CNTN4: variants seen among roughly 807,000 people sequenced by gnomAD.
The protein encoded by CNTN4 is contactin-4.
A neutral mutation model predicts 122.5 loss-of-function variants in CNTN4; 77 were observed. The ratio of observed to expected loss-of-function variants is 0.63; its 90% CI spans 0.52 to 0.76. The LOEUF (loss-of-function observed/expected upper bound fraction) is 0.76. CNTN4 is among the 30% of genes least tolerant of loss of function. The pLI is 0.00. For missense variants in CNTN4, 1,256 were observed against 1,259.1 expected (o/e 1.00, Z 0.04); for synonymous variants, 512 against 447.0 (o/e 1.15, Z -1.83).
chr3:2,277,063 G>A (rs1255295260), intron 2 of CNTN4, among the ~76,000 whole-genome samples: 1 of 151,992 alleles, frequency 6.6e-6, no homozygotes, highest in Non-Finnish European at 1.5e-5. Context: ...GAGAAAAACT[G>A]GTATATTTGG....
chr3:2,945,814 G>T (rs1386470564), intron 13 of CNTN4, among the ~76,000 whole-genome samples: 1 of 152,160 alleles, frequency 6.6e-6, no homozygotes, highest in South Asian at 2.1e-4. Flanking sequence ...CTAGAGGATA[G>T]ATTTGTGTCA....
At chr3:2,364,000 A>G (rs1233460762) in intron 3 of CNTN4, among the ~76,000 whole-genome samples, 3 of 152,166 alleles carry the variant, frequency 2.0e-5, no homozygotes, top group Non-Finnish European at 4.4e-5. Flanking sequence ...AATATTTATA[A>G]CAGACTAGGC....
intron 3 of CNTN4, among the ~76,000 whole-genome samples, chr3:2,545,630 T>A (rs948544575): frequency 3.3e-5 from 5 of 151,802 alleles, no homozygotes; most frequent in Admixed American, 1.3e-4. Context: ...TTTTTTTTTT[T>A]ATCCTTTTCA....
intron 3 of CNTN4, among the ~76,000 whole-genome samples, chr3:2,407,256 A>G (rs1252658266): frequency 6.6e-6 from 1 of 152,186 alleles, no homozygotes; most frequent in African/African-American, 2.4e-5. Context: ...CTTGTAATTT[A>G]TTTAGCTTGA....
chr3:2,905,515 C>T (rs917398384), intron 12 of CNTN4, among the ~76,000 whole-genome samples: 2 of 152,286 alleles, frequency 1.3e-5, no homozygotes, highest in Middle Eastern at 3.4e-3. Context: ...AAGGGCTTCA[C>T]CTCATAGGGG....
chr3:2,867,059 A>G, intron 8 of CNTN4, 110 bp downstream of exon 8: 1 of 967,178 alleles, frequency 1.0e-6, no homozygotes. Context: ...TAAATGTAAG[A>G]AAAGTTTACT....
At chr3:2,428,507 T>G (rs1038570611) in intron 3 of CNTN4, among the ~76,000 whole-genome samples, 5 of 152,200 alleles carry the variant, frequency 3.3e-5, no homozygotes, top group African/African-American at 1.2e-4. Flanking sequence ...CCCTTAACAT[T>G]TTTTCCTTCA....
At chr3:2,941,196 A>T (rs923098750) in intron 13 of CNTN4, among the ~76,000 whole-genome samples, 2 of 151,130 alleles carry the variant, frequency 1.3e-5, no homozygotes, top group Middle Eastern at 3.4e-3. Context: ...ACATCATCAG[A>T]CTCTCCCTTT....
rs536276523 is a variant in CNTN4 at position 2,239,284 on chromosome 3, C to T, written c.-144-99894C>T. On this transcript the variant is annotated intron_variant, in intron 2 of 24. Transcript: ENST00000418658. ...ACAGAGTTTGATTTATGCGGACGAT[C>T]CTTGGACTTAAAAAGGATTACTGAC... 2.6e-5 allele frequency among the ~76,000 whole-genome samples: 4 copies of T among 152,178 alleles called. No homozygotes were observed. In the East Asian group the frequency reaches 7.7e-4, roughly 29 times the overall value.
intron 2 of CNTN4, among the ~76,000 whole-genome samples, chr3:2,236,759 C>G (rs543720525): frequency 2.0e-5 from 3 of 152,144 alleles, no homozygotes; most frequent in Admixed American, 6.5e-5. Flanking sequence ...AGGCTCTGCA[C>G]TAGACATCAG....
At chr3:2,136,308 G>T (rs1330276172) in intron 2 of CNTN4, among the ~76,000 whole-genome samples, 1 of 152,198 alleles carries the variant, frequency 6.6e-6, no homozygotes, top group African/African-American at 2.4e-5. Flanking sequence ...CCAGAATTCT[G>T]TTAGTAAACT....
chr3:2,511,626 C>G (rs60587976), intron 3 of CNTN4: 22,223 of 152,228 alleles, frequency 0.15, 1,873 homozygotes, highest in African/African-American at 0.23. Context: ...CAGGGACTTG[C>G]TGAGAGCTGA....
chr3:2,606,598 A>T (rs1576192451), intron 4 of CNTN4, among the ~76,000 whole-genome samples: 1 of 152,224 alleles, frequency 6.6e-6, no homozygotes, highest in African/African-American at 2.4e-5. Context: ...GACTAATTCC[A>T]TATGCTTTTC....
chr3:2,884,145 C>T (rs1485568346), intron 9 of CNTN4, among the ~76,000 whole-genome samples: 1 of 151,908 alleles, frequency 6.6e-6, no homozygotes, highest in South Asian at 2.1e-4. Flanking sequence ...GCGTATGTTG[C>T]CCAGGCTAGT....
chr3:2,842,123 G>A (rs1427255704), intron 7 of CNTN4, among the ~76,000 whole-genome samples: 1 of 152,140 alleles, frequency 6.6e-6, no homozygotes, highest in Non-Finnish European at 1.5e-5. Context: ...GCAACGGAAA[G>A]CCATGAGCTC....
Position 3,040,056 on chromosome 3 carries a change from A to G in CNTN4, c.2183A>G (p.Gln728Arg), listed in dbSNP as rs760609497. ...TCCCAGACGGTCCCTGAGGAATTAC[A>G]GAATGGTCGAGGCTTTGGTTATGTG... ...ITWETVPEEL[Q>R]NGRGFGYVVA... The change falls in exon 20 of 25, where the codon CAG becomes CGG. Residue 728 changes from glutamine (Q) to arginine (R), a missense_variant. Transcript: ENST00000418658. 3 of 1,612,966 alleles carry G rather than the reference A, an allele frequency of 1.9e-6. No homozygotes were observed. The highest frequency in any genetic ancestry group is 2.5e-6 in the Non-Finnish European group (3 of 1,178,944).
rs572049382 is a variant in CNTN4 at position 2,708,967 on chromosome 3, C to T, written c.56-27248C>T. On this transcript the variant is annotated intron_variant, in intron 4 of 24. Transcript: ENST00000418658. ...TGGATGATCTCCTGTGTCGATATCG[C>T]ATTGCAGAAATCCATGTACGTATTT... Among the ~76,000 whole-genome samples the T allele has an allele frequency of 2.6e-3, 395 of 152,272 alleles. 7 individuals carry two copies. In the South Asian group the frequency reaches 0.044, roughly 17 times the overall value.
rs2149900362 is a variant in CNTN4, at chr3:2,618,629, C to T, written c.55+47071C>T. On this transcript the variant is annotated intron_variant, in intron 4 of 24. Coordinates refer to ENST00000418658, the MANE Select transcript of CNTN4 (RefSeq NM_175607.3). ...GCTCAAGGTGCCCCAAATAGTAGCA[C>T]AGCGGGGATAATTAACACAGAAAGT... is the stretch of plus-strand genomic sequence containing the variant. Among the ~76,000 whole-genome samples the T allele has an allele frequency of 1.3e-5, 2 of 152,254 alleles. 1 individual carries two copies. Among genetic ancestry groups the T allele is most frequent in the Admixed American group, 1.3e-4 (2 of 15,284 alleles).
intron 3 of CNTN4, among the ~76,000 whole-genome samples, chr3:2,441,563 A>G (rs1433990499): frequency 1.3e-5 from 2 of 152,212 alleles, no homozygotes; most frequent in African/African-American, 4.8e-5. Flanking sequence ...TAAATAAGGT[A>G]TTAGGGTAGC....
Sources: allele counts gnomAD v4.1 joint callset (sites outside exome capture counted in the v4.1 genomes callset), GRCh38; gene constraint gnomAD v4.1.1; transcripts MANE v1.5; gene names NCBI Gene and HGNC (gene_info 2026-07-23, HGNC 2026-07-21).